The following MGAT4C variants were observed in gnomAD, a reference collection of about 807,000 sequenced individuals.
MGAT4C encodes the protein MGAT4 family member C, also known as alpha-1,3-mannosyl-glycoprotein 4-beta-N-acetylglucosaminyltransferase C.
In MGAT4C, 19 loss-of-function variants were observed where a neutral mutation model predicts 40.1. That is an observed-to-expected ratio of 0.47 (90% CI 0.33 to 0.70). The LOEUF (loss-of-function observed/expected upper bound fraction) is 0.70. Among genes scored for constraint, MGAT4C ranks in the 30% least tolerant of loss-of-function variants. The probability of loss-of-function intolerance (pLI) is 0.02; values close to 1 mark genes in which losing one functional copy is unlikely to be tolerated. For synonymous variants in MGAT4C, 181 were observed against 187.1 expected (o/e 0.97, Z 0.27); for missense variants, 491 against 563.2 (o/e 0.87, Z 1.30).
rs1410624286 is a variant in MGAT4C, at chr12:85,968,016, T to A, written c.*11273A>T. 6.6e-6 allele frequency: 1 copy of A among 152,224 alleles called. No individual in the cohort carries two copies. The highest frequency in any genetic ancestry group is 6.6e-5 in the Admixed American group (1 of 15,266). 9.4% of individuals were successfully genotyped at this position (152,224 alleles called of 1,614,324 possible). A position where few individuals can be genotyped will look rare whatever the true frequency, so the allele number is the denominator to read the frequency against. The stretch of plus-strand genomic sequence containing the variant: ...TAGAGCAAGTCAATATGACTTGTTC[T>A]GTTTCAGCTATCTGAAATTTAAAAA... On this transcript the variant is annotated 3_prime_UTR_variant, in exon 5 of 5. Coordinates refer to ENST00000611864, the MANE Select transcript of MGAT4C (RefSeq NM_001351288.2).
upstream of MGAT4C, among the ~76,000 whole-genome samples, chr12:86,260,985 C>T (rs1436113159): frequency 6.6e-6 from 1 of 151,728 alleles, no homozygotes; most frequent in Non-Finnish European, 1.5e-5. Flanking sequence ...TATATAGCTA[C>T]TCAAATGAAG....
At chr12:86,485,003 G>T (rs1408101670) in intron 2 of MGAT4C, among the ~76,000 whole-genome samples, 1 of 151,984 alleles carries the variant, frequency 6.6e-6, no homozygotes, top group Non-Finnish European at 1.5e-5. Flanking sequence ...AAAATATTCT[G>T]CCAGTATGTA....
At chr12:86,117,523 G>T (rs1471190650) in intron 1 of MGAT4C, among the ~76,000 whole-genome samples, 1 of 152,024 alleles carries the variant, frequency 6.6e-6, no homozygotes, top group Non-Finnish European at 1.5e-5. Context: ...AAATGTTAAG[G>T]ATAGAGTCAG....
At chr12:86,014,945 C>T (rs1214501922) in intron 2 of MGAT4C, among the ~76,000 whole-genome samples, 2 of 150,020 alleles carry the variant, frequency 1.3e-5, no homozygotes, top group African/African-American at 2.4e-5. Flanking sequence ...CCATACCCGG[C>T]TAATTTTTCT....
chr12:86,407,077 G>T (rs2136241473), intron 3 of MGAT4C, among the ~76,000 whole-genome samples: 1 of 152,200 alleles, frequency 6.6e-6, no homozygotes, highest in African/African-American at 2.4e-5. Flanking sequence ...AATTTGCCAT[G>T]AAGTCTCGCA....
intron 2 of MGAT4C, among the ~76,000 whole-genome samples, chr12:86,021,030 A>C (rs1301831731): frequency 6.6e-6 from 1 of 152,204 alleles, no homozygotes; most frequent in Non-Finnish European, 1.5e-5. Flanking sequence ...AATCAAAACC[A>C]CAATGAGATA....
chr12:86,247,638 A>C (rs977890346), intron 1 of MGAT4C, among the ~76,000 whole-genome samples: 2 of 152,204 alleles, frequency 1.3e-5, no homozygotes, highest in South Asian at 2.1e-4. Context: ...TGAATAATAA[A>C]TTTGAAGTAA....
intron 2 of MGAT4C, among the ~76,000 whole-genome samples, chr12:86,700,790 C>T (rs1309160814): frequency 1.3e-5 from 2 of 152,034 alleles, no homozygotes; most frequent in Admixed American, 1.3e-4. Flanking sequence ...TTGCTTAGTA[C>T]ATTGTACATA....
At chr12:86,766,953 AAAG>A (rs1166541497) in intron 1 of MGAT4C, among the ~76,000 whole-genome samples, 1 of 152,222 alleles carries the variant, frequency 6.6e-6, no homozygotes, top group Admixed American at 6.5e-5. Context: ...ATCACAATTA[AAAG>A]AACTAGAAAA....
At chr12:86,704,267 TG>T (rs1233430089) in intron 2 of MGAT4C, among the ~76,000 whole-genome samples, 1 of 152,080 alleles carries the variant, frequency 6.6e-6, no homozygotes, top group East Asian at 1.9e-4. Context: ...ATTTAAGCTA[TG>T]GGTCAGCCCG....
At chr12:86,225,030 A>G (rs182322495) in intron 1 of MGAT4C, among the ~76,000 whole-genome samples, 47 of 152,200 alleles carry the variant, frequency 3.1e-4, no homozygotes, top group Admixed American at 9.2e-4. Flanking sequence ...AAAATTGATA[A>G]ATTACTAGCT....
At chr12:86,737,503 A>C (rs1951005743) in intron 1 of MGAT4C, among the ~76,000 whole-genome samples, 1 of 151,350 alleles carries the variant, frequency 6.6e-6, no homozygotes, top group African/African-American at 2.4e-5. Flanking sequence ...TTTGAACTGT[A>C]TCTCTATATT....
intron 1 of MGAT4C, among the ~76,000 whole-genome samples, chr12:86,793,995 G>T (rs1952069895): frequency 6.6e-6 from 1 of 151,672 alleles, no homozygotes; most frequent in Non-Finnish European, 1.5e-5. Context: ...TGAATGTTTG[G>T]GTTAATATTT....
At chr12:86,613,962 T>C (rs1463026357) in intron 2 of MGAT4C, among the ~76,000 whole-genome samples, 2 of 152,048 alleles carry the variant, frequency 1.3e-5, no homozygotes, top group African/African-American at 4.8e-5. Context: ...CATGAGGAGA[T>C]AGGGACAAAG....
chr12:86,555,694 C>A, intron 2 of MGAT4C, among the ~76,000 whole-genome samples: 1 of 152,170 alleles, frequency 6.6e-6, no homozygotes, highest in East Asian at 1.9e-4. Flanking sequence ...AAATGCTAAA[C>A]CATCACAGCT....
intron 1 of MGAT4C, among the ~76,000 whole-genome samples, chr12:86,137,476 T>C (rs1415342218): frequency 4.6e-5 from 7 of 152,202 alleles, no homozygotes; most frequent in African/African-American, 1.7e-4. Flanking sequence ...CAGTGACTGT[T>C]ATTGCCTAAA....
At chr12:86,405,816 C>T (rs1039240021) in intron 3 of MGAT4C, among the ~76,000 whole-genome samples, 4 of 150,034 alleles carry the variant, frequency 2.7e-5, no homozygotes, top group Non-Finnish European at 4.5e-5. Flanking sequence ...ACAGATATAT[C>T]CAGTTGATTT....
At chr12:86,808,181 C>T (rs1952399418) in intron 1 of MGAT4C, among the ~76,000 whole-genome samples, 2 of 152,080 alleles carry the variant, frequency 1.3e-5, no homozygotes, top group Admixed American at 6.6e-5. Flanking sequence ...GGATTTACAG[C>T]TGAATTCTAC....
chr12:86,475,852 CATT>C (rs1351326563), intron 2 of MGAT4C, among the ~76,000 whole-genome samples: 3 of 151,992 alleles, frequency 2.0e-5, no homozygotes, highest in African/African-American at 7.2e-5. Context: ...TAATTATCAT[CATT>C]ATAATTGCCA....
Sources: gnomAD v4.1 joint callset for allele counts (sites outside exome capture counted in the v4.1 genomes callset) on GRCh38, gnomAD v4.1.1 for gene constraint, MANE v1.5 for transcripts, NCBI Gene and HGNC (gene_info 2026-07-23, HGNC 2026-07-21) for gene names.